The following PDE1C variants were observed in gnomAD, a reference collection of about 807,000 sequenced individuals.
The protein encoded by PDE1C is dual specificity calcium/calmodulin-dependent 3',5'-cyclic nucleotide phosphodiesterase 1C.
PDE1C carries 62 observed loss-of-function variants against 93.1 expected under a neutral mutation model. The observed-to-expected ratio is 0.67, with a 90% CI of 0.54 to 0.82. The LOEUF (loss-of-function observed/expected upper bound fraction) is 0.82. PDE1C is among the 40% of genes least tolerant of loss of function. PDE1C has a pLI of 0.00. For synonymous variants in PDE1C, 325 were observed against 310.1 expected, an observed-to-expected ratio of 1.05 and a Z score of -0.50; for missense variants, 742 against 884.6, an observed-to-expected ratio of 0.84 and a Z score of 2.04.
the PDE1C span, among the ~76,000 whole-genome samples, chr7:31,708,887 T>C: frequency 2.0e-5 from 3 of 152,196 alleles, no homozygotes; most frequent in African/African-American, 7.2e-5. Context: ...CAGCACTCCA[T>C]GCTCTGCTCC....
chr7:32,164,872 G>A (rs866468892), intron 3 of PDE1C, among the ~76,000 whole-genome samples: 1 of 152,062 alleles, frequency 6.6e-6, no homozygotes, highest in African/African-American at 2.4e-5. Context: ...CAGACTGGAT[G>A]GACTTGTCTG....
intron 16 of PDE1C, among the ~76,000 whole-genome samples, chr7:31,806,931 A>T (rs1018496568): frequency 6.6e-6 from 1 of 151,900 alleles, no homozygotes; most frequent in Non-Finnish European, 1.5e-5. Context: ...ATATCTCCTG[A>T]TCTACATATT....
intron 5 of PDE1C, among the ~76,000 whole-genome samples, chr7:31,876,181 T>G (rs1796565377): frequency 6.6e-6 from 1 of 152,062 alleles, no homozygotes; most frequent in South Asian, 2.1e-4. Flanking sequence ...GAAAAAACAT[T>G]ACATTGTAAA....
chr7:31,912,533 A>C (rs1473309021), intron 2 of PDE1C, among the ~76,000 whole-genome samples: 1 of 151,982 alleles, frequency 6.6e-6, no homozygotes, highest in Non-Finnish European at 1.5e-5. Flanking sequence ...AAAAAATACA[A>C]AAAATGAGCC....
At chr7:31,895,355 T>C (rs11766966) in intron 2 of PDE1C, among the ~76,000 whole-genome samples, 20,066 of 151,956 alleles carry the variant, frequency 0.13, 1,571 homozygotes, top group South Asian at 0.2. Context: ...GCTAGAGATG[T>C]CACTAAGACT....
At chr7:32,334,232 T>C (rs1783568386) in intron 1 of PDE1C, among the ~76,000 whole-genome samples, 1 of 152,214 alleles carries the variant, frequency 6.6e-6, no homozygotes, top group African/African-American at 2.4e-5. Flanking sequence ...ATTGCAATTA[T>C]ATAAATAAAG....
At position 31,892,605 on chromosome 7, in the gene PDE1C, T is replaced by A. The variant is rs180876537; in HGVS notation, c.129-11745A>T. Among the ~76,000 whole-genome samples, 436 of 152,308 alleles carry A rather than the reference T, an allele frequency of 2.9e-3. 1 individual carries two copies. The highest frequency in any genetic ancestry group is 0.014 in the Middle Eastern group (4 of 294). On this transcript the variant is annotated intron_variant, in intron 2 of 17. Coordinates refer to ENST00000396191, the MANE Select transcript of PDE1C (RefSeq NM_001191057.4). ...CTGGCCATGAAGGGGTTGTAAAGAA[T>A]GAAATTAATATACACACCCACACCC...
intron 1 of PDE1C, among the ~76,000 whole-genome samples, chr7:32,422,050 G>A (rs1441475375): frequency 6.6e-6 from 1 of 152,150 alleles, no homozygotes; most frequent in Non-Finnish European, 1.5e-5. Flanking sequence ...TTGCATCCTA[G>A]GTGAAAGGAA....
intron 2 of PDE1C, among the ~76,000 whole-genome samples, chr7:31,952,636 G>T (rs1807545177): frequency 6.6e-6 from 1 of 152,068 alleles, no homozygotes; most frequent in African/African-American, 2.4e-5. Context: ...TGCACACTAG[G>T]TATTCCCAGT....
intron 16 of PDE1C, among the ~76,000 whole-genome samples, chr7:31,797,143 C>T (rs1412715175): frequency 6.6e-6 from 1 of 151,700 alleles, no homozygotes; most frequent in Non-Finnish European, 1.5e-5. Flanking sequence ...CAGGAGTTTT[C>T]ATGGACAAAT....
chr7:32,024,048 G>T (rs1789076596), intron 2 of PDE1C, among the ~76,000 whole-genome samples: 1 of 152,098 alleles, frequency 6.6e-6, no homozygotes, highest in Admixed American at 6.6e-5. Context: ...GAGCCTCTAT[G>T]CATCTATCAT....
the PDE1C span, among the ~76,000 whole-genome samples, chr7:31,668,529 A>G: frequency 2.0e-5 from 3 of 152,180 alleles, no homozygotes; most frequent in Non-Finnish European, 4.4e-5. Flanking sequence ...CTACTACAAC[A>G]ATGTGGATAA....
chr7:32,049,262 T>A (rs967367466), intron 2 of PDE1C, among the ~76,000 whole-genome samples: 1 of 152,154 alleles, frequency 6.6e-6, no homozygotes, highest in South Asian at 2.1e-4. Flanking sequence ...TTTAGAAAAG[T>A]ACAGCAATCT....
chr7:32,273,718 T>C (rs1811115540), intron 1 of PDE1C, among the ~76,000 whole-genome samples: 1 of 152,224 alleles, frequency 6.6e-6, no homozygotes, highest in African/African-American at 2.4e-5. Flanking sequence ...ACCGCAGCTA[T>C]AGGTGTGTCT....
At chr7:31,802,755 G>C (rs976344947) in intron 16 of PDE1C, among the ~76,000 whole-genome samples, 1 of 151,406 alleles carries the variant, frequency 6.6e-6, no homozygotes, top group Non-Finnish European at 1.5e-5. Context: ...TATTTGCATT[G>C]TTCCCCACAA....
chr7:31,988,353 T>A (rs2129070695), intron 2 of PDE1C, among the ~76,000 whole-genome samples: 1 of 152,348 alleles, frequency 6.6e-6, no homozygotes, highest in East Asian at 1.9e-4. Context: ...AAGGTAATAA[T>A]GCCAACATGT....
At chr7:31,971,925 C>T (rs553399783) in intron 2 of PDE1C, among the ~76,000 whole-genome samples, 5 of 152,350 alleles carry the variant, frequency 3.3e-5, no homozygotes, top group African/African-American at 1.2e-4. Context: ...TAACCGCCCA[C>T]TGTAACTAGT....
chr7:31,736,879 A>G, the PDE1C span, among the ~76,000 whole-genome samples: 1 of 152,178 alleles, frequency 6.6e-6, no homozygotes, highest in African/African-American at 2.4e-5. Context: ...CAAAGTAGCC[A>G]CTTAACGCAG....
chr7:32,337,436 T>C (rs1041702098), intron 1 of PDE1C, among the ~76,000 whole-genome samples: 6 of 152,152 alleles, frequency 3.9e-5, no homozygotes, highest in Non-Finnish European at 8.8e-5. Flanking sequence ...CTAGTATAGT[T>C]GAATGAAAAA....
Sources: gnomAD v4.1 joint callset for allele counts (sites outside exome capture counted in the v4.1 genomes callset) on GRCh38, gnomAD v4.1.1 for gene constraint, MANE v1.5 for transcripts, NCBI Gene and HGNC (gene_info 2026-07-23, HGNC 2026-07-21) for gene names.